The following C17orf67 variants were observed in gnomAD, a reference collection of about 807,000 sequenced individuals.
C17orf67 encodes the protein uncharacterized protein C17orf67.
C17orf67 carries 12 observed loss-of-function variants against 11.2 expected under a neutral mutation model. The observed-to-expected ratio is 1.07, with a 90% CI of 0.68 to 1.73. C17orf67 has a LOEUF of 1.73. C17orf67 is among the 40% of genes most tolerant of loss of function. The pLI is 0.00. For synonymous variants in C17orf67, 59 were observed against 46.9 expected (o/e 1.26, Z -1.05); for missense variants, 115 against 113.5 (o/e 1.01, Z -0.06).
At chr17:56,827,989 G>A (rs928665110) in intron 2 of C17orf67, among the ~76,000 whole-genome samples, 1 of 151,040 alleles carries the variant, frequency 6.6e-6, no homozygotes, top group East Asian at 2.0e-4. Flanking sequence ...GGCGGATCGC[G>A]AGATCAGGAG....
In C17orf67 at chr17:56,814,836, T is replaced by A. The variant is rs756119644; in HGVS notation, c.156+33A>T. 5.0e-6 allele frequency: 8 copies of A among 1,595,564 alleles called. No individual in the cohort carries two copies. In the African/African-American group the frequency reaches 6.7e-5, roughly 13 times the overall value. On this transcript the variant is annotated intron_variant, in intron 6 of 7. Transcript: ENST00000397861. ...AGTGAATGGCATTCAAATGATCACA[T>A]TTTCTTTAAAACTGCCAGAGCAAAG...
chr17:56,830,540 G>A (rs1344560070), intron 2 of C17orf67, among the ~76,000 whole-genome samples: 2 of 152,096 alleles, frequency 1.3e-5, no homozygotes, highest in African/African-American at 2.4e-5. Context: ...AGATTTCTAA[G>A]AAGAAATCCC....
chr17:56,800,482 T>A (rs949772277), intron 6 of C17orf67, among the ~76,000 whole-genome samples: 1 of 152,202 alleles, frequency 6.6e-6, no homozygotes, highest in Non-Finnish European at 1.5e-5. Flanking sequence ...GGTCTTTCCA[T>A]GACCCAGCTA....
intron 4 of C17orf67, among the ~76,000 whole-genome samples, chr17:56,821,680 T>C (rs1905908242): frequency 6.6e-6 from 1 of 152,202 alleles, no homozygotes; most frequent in South Asian, 2.1e-4. Flanking sequence ...CCTGTAAACA[T>C]TTATTTACAG....
chr17:56,802,384 A>G (rs1905344480), intron 6 of C17orf67, among the ~76,000 whole-genome samples: 1 of 152,188 alleles, frequency 6.6e-6, no homozygotes, highest in Non-Finnish European at 1.5e-5. Flanking sequence ...CTTTTTAAAG[A>G]ATTTCCACAG....
Position 56,815,986 on chromosome 17 carries a change from C to A in C17orf67, c.-176G>T. 7.7e-7 allele frequency: 1 copy of A among 1,293,844 alleles called. No homozygotes were observed. The allele number at this position is 1,293,844 out of a possible 1,614,324, so 80.1% of individuals were successfully genotyped here. A position where few individuals can be genotyped will look rare whatever the true frequency, so the allele number is the denominator to read the frequency against. ...TAGTAATGACCACTGAAATATTTTC[C>A]TCCGAATTCCTGTAAATTTTCATCC... is the stretch of plus-strand genomic sequence containing the variant. On this transcript the variant is annotated 5_prime_UTR_variant, in exon 5 of 8. The change creates a new upstream start codon in the 5' untranslated region. Coordinates refer to ENST00000397861, the MANE Select transcript of C17orf67 (RefSeq NM_001085430.4).
intron 6 of C17orf67, among the ~76,000 whole-genome samples, chr17:56,802,559 C>T (rs144173102): frequency 1.6e-4 from 25 of 152,306 alleles, no homozygotes; most frequent in Non-Finnish European, 2.8e-4. Context: ...ATCCTGCCCA[C>T]GCCTTTGTAA....
At chr17:56,827,798 T>C (rs1906078667) in intron 2 of C17orf67, among the ~76,000 whole-genome samples, 1 of 152,194 alleles carries the variant, frequency 6.6e-6, no homozygotes, top group Admixed American at 6.5e-5. Flanking sequence ...TGGGTCTTAG[T>C]TTTATTCAGA....
At position 56,814,948 on chromosome 17, in the gene C17orf67, T is replaced by G. The variant is rs2144134929; in HGVS notation, c.77A>C (p.Glu26Ala). ...TCTTAGGAGCTGTTTGGCCTGCTTC[T>G]CTGTCAAAATCGGGGAGGTCTCTGG... is the stretch of plus-strand genomic sequence containing the variant. Reference protein sequence around the residue: ...VFSETSPILTEKQAKQLLRSR... With the variant: ...VFSETSPILTAKQAKQLLRSR... Residue 26 changes from glutamate to alanine, a missense_variant, in exon 6 of 8, where the codon GAG becomes GCG. Coordinates refer to ENST00000397861, the MANE Select transcript of C17orf67 (RefSeq NM_001085430.4). 1 of 1,614,122 alleles carries G rather than the reference T, an allele frequency of 6.2e-7. No homozygotes were observed. Among genetic ancestry groups the G allele is most frequent in the Non-Finnish European group, 8.5e-7 (1 of 1,179,988 alleles).
chr17:56,807,803 T>A (rs1905489184), intron 6 of C17orf67, among the ~76,000 whole-genome samples: 1 of 151,770 alleles, frequency 6.6e-6, no homozygotes, highest in African/African-American at 2.4e-5. Flanking sequence ...GTCAAGAGGA[T>A]CGCTTGAGCC....
intron 6 of C17orf67, among the ~76,000 whole-genome samples, chr17:56,812,246 C>T (rs140957276): frequency 1.3e-5 from 2 of 152,346 alleles, no homozygotes; most frequent in Non-Finnish European, 2.9e-5. Flanking sequence ...TGGTTCCTCT[C>T]CTTTGGCACT....
intron 4 of C17orf67, among the ~76,000 whole-genome samples, chr17:56,824,372 G>A (rs932514900): frequency 6.6e-6 from 1 of 152,166 alleles, no homozygotes; most frequent in Non-Finnish European, 1.5e-5. Context: ...CCAGAGCTAT[G>A]AGCCAGATGA....
intron 6 of C17orf67, among the ~76,000 whole-genome samples, chr17:56,814,224 T>C (rs773278156): frequency 6.6e-6 from 1 of 152,106 alleles, no homozygotes. Context: ...TTCCCTTCAC[T>C]GGGTGGGGCT....
intron 5 of C17orf67, among the ~76,000 whole-genome samples, chr17:56,815,369 T>G (rs1234112965): frequency 2.6e-5 from 4 of 152,320 alleles, no homozygotes; most frequent in Non-Finnish European, 5.9e-5. Context: ...AAGATTATGT[T>G]AAACTTGATC....
intron 6 of C17orf67, among the ~76,000 whole-genome samples, chr17:56,812,029 C>T (rs887528404): frequency 6.6e-6 from 1 of 152,164 alleles, no homozygotes; most frequent in African/African-American, 2.4e-5. Context: ...ACCCAGGCAT[C>T]GGAATTTAAA....
intron 2 of C17orf67, among the ~76,000 whole-genome samples, chr17:56,828,152 T>C (rs1726932111): frequency 6.9e-6 from 1 of 144,842 alleles, no homozygotes; most frequent in Non-Finnish European, 1.5e-5. Flanking sequence ...ACGCTTGTAA[T>C]CCCAGCACTT....
intron 7 of C17orf67, among the ~76,000 whole-genome samples, chr17:56,793,167 T>C (rs996400459): frequency 6.6e-6 from 1 of 150,842 alleles, no homozygotes; most frequent in Non-Finnish European, 1.5e-5. Context: ...TTCCAGGCAT[T>C]GACTTTTTTA....
At chr17:56,814,813 T>C in intron 6 of C17orf67, 56 bp downstream of exon 6, 1 of 1,533,824 alleles carries the variant, frequency 6.5e-7, no homozygotes. Context: ...AGTTTCATAG[T>C]GAATGGCATT....
intron 2 of C17orf67, among the ~76,000 whole-genome samples, chr17:56,830,187 C>CA (rs544031283): frequency 6.7e-6 from 1 of 150,270 alleles, no homozygotes; most frequent in African/African-American, 2.4e-5. Context: ...ACTAAAAACA[C>CA]AAAAAAAATT....
Sources: allele counts gnomAD v4.1 joint callset (sites outside exome capture counted in the v4.1 genomes callset), GRCh38; gene constraint gnomAD v4.1.1; transcripts MANE v1.5; gene names NCBI Gene and HGNC (gene_info 2026-07-23, HGNC 2026-07-21).